HIF3A: variants seen among roughly 807,000 people sequenced by gnomAD.
The protein encoded by HIF3A is hypoxia inducible factor 3 subunit alpha.
Under a neutral mutation model 67.2 loss-of-function variants are expected in HIF3A, and 41 were observed. That is an observed-to-expected ratio of 0.61 (90% CI 0.48 to 0.79). The LOEUF (loss-of-function observed/expected upper bound fraction) is 0.79. Ranked by LOEUF, HIF3A falls within the 30% of genes least tolerant of loss-of-function variation. The probability of loss-of-function intolerance (pLI) is 0.00; values close to 1 mark genes in which losing one functional copy is unlikely to be tolerated. For synonymous variants in HIF3A, 356 were observed against 374.8 expected, an observed-to-expected ratio of 0.95 and a Z score of 0.58; for missense variants, 855 against 898.0, an observed-to-expected ratio of 0.95 and a Z score of 0.61.
rs529224612 is a variant in HIF3A, at chr19:46,340,994, C to A, written c.*1372C>A. On this transcript the variant is annotated 3_prime_UTR_variant, in exon 15 of 15. Coordinates refer to ENST00000377670, the MANE Select transcript of HIF3A (RefSeq NM_152795.4). ...CAGATTCTTTTGGTTCTAGAATTCA[C>A]TAACTTCCTCTGGTTCTAGACCTCT... 1 of 152,250 alleles carries A rather than the reference C, an allele frequency of 6.6e-6. No individual in the cohort carries two copies. The highest frequency in any genetic ancestry group is 2.1e-4 in the South Asian group (1 of 4,814). 9.4% of individuals were successfully genotyped at this position (152,250 alleles called of 1,614,324 possible). A position where few individuals can be genotyped will look rare whatever the true frequency, so the allele number is the denominator to read the frequency against.
Position 46,297,722 on chromosome 19 carries a change from C to T in HIF3A, c.26+620C>T, listed in dbSNP as rs117611751. On this transcript the variant is annotated intron_variant, in intron 1 of 14. Coordinates refer to ENST00000377670, the MANE Select transcript of HIF3A (RefSeq NM_152795.4). This position sits in a 1 kb window ranked among gnomAD's most constrained non-coding sequence, Gnocchi z 4.5. ...CCCCTTTCAGAAGCCGTCTGGGACC[C>T]TTCCCAAGAGACTTTTTGTATCCTT... Among the ~76,000 whole-genome samples the T allele has an allele frequency of 9.4e-3, 1,427 of 152,134 alleles. 14 individuals carry two copies. Among genetic ancestry groups the T allele is most frequent in the Non-Finnish European group, 0.015 (1,048 of 67,974 alleles).
At chr19:46,337,915 GC>G (rs2147330895) in intron 14 of HIF3A, among the ~76,000 whole-genome samples, 1 of 152,320 alleles carries the variant, frequency 6.6e-6, no homozygotes, top group Non-Finnish European at 1.5e-5. Flanking sequence ...AAGGGCAGGG[GC>G]CAGGGCTGTC....
In HIF3A at chr19:46,342,120, AACTG is replaced by A. The variant is rs1971955681; in HGVS notation, c.*2502_*2505del. ...TGATCTGCTGTTTCTCTGGTTCTAGAACTGACTTACAAGTGCCTTCTGATTCTAG... is the reference window on the plus strand; with the variant it reads ...TGATCTGCTGTTTCTCTGGTTCTAGAACTTACAAGTGCCTTCTGATTCTAG... On this transcript the variant is annotated 3_prime_UTR_variant, in exon 15 of 15. Coordinates refer to ENST00000377670, the MANE Select transcript of HIF3A (RefSeq NM_152795.4). The A allele has an allele frequency of 6.6e-6, 1 of 152,244 alleles. No individual in the cohort carries two copies. The highest frequency in any genetic ancestry group is 2.4e-5 in the African/African-American group (1 of 41,544). The allele number at this position is 152,244 out of a possible 1,614,324, so 9.4% of individuals were successfully genotyped here.
At chr19:46,319,303 T>G (rs1477432063) in intron 8 of HIF3A, among the ~76,000 whole-genome samples, 2 of 152,122 alleles carry the variant, frequency 1.3e-5, no homozygotes, top group Admixed American at 1.3e-4. Context: ...GAGGGTTTAT[T>G]GAGTGTGGGG....
At chr19:46,300,608 C>T (rs527689502) in intron 1 of HIF3A, among the ~76,000 whole-genome samples, 2 of 152,294 alleles carry the variant, frequency 1.3e-5, no homozygotes, top group Admixed American at 6.5e-5. Context: ...TGACAGTGAG[C>T]CAAGATCAAG....
In HIF3A at chr19:46,308,740, G is replaced by C; in HGVS notation, c.526G>C (p.Gly176Arg). 1 of 1,609,984 alleles carries C rather than the reference G, an allele frequency of 6.2e-7. No individual in the cohort carries two copies. Among genetic ancestry groups the C allele is most frequent in the Non-Finnish European group, 8.5e-7 (1 of 1,178,280 alleles). Reference sequence around the variant, plus strand: ...CATGAAGAGTACACTCACCAGCCGCGGGCGCACCCTCAACCTCAAGGCGGC... The same window carrying C: ...CATGAAGAGTACACTCACCAGCCGCCGGCGCACCCTCAACCTCAAGGCGGC... ...LRMKSTLTSR[G>R]RTLNLKAATW... The change falls in exon 5 of 15, where the codon GGG becomes CGG. Residue 176 changes from glycine (G) to arginine (R), a missense_variant. By Grantham distance (125) the Gly-to-Arg change is moderately radical. This residue lies in a region of HIF3A where 638 missense variants were observed against 660.5 expected (regional missense o/e 0.97). Transcript: ENST00000377670.
intron 1 of HIF3A, among the ~76,000 whole-genome samples, chr19:46,301,721 G>T (rs1968349946): frequency 6.6e-6 from 1 of 151,732 alleles, no homozygotes; most frequent in South Asian, 2.1e-4. Context: ...AGCTACTCGG[G>T]AGGCTGAGGC....
chr19:46,326,872 G>T (rs1002182588), intron 11 of HIF3A, among the ~76,000 whole-genome samples: 4 of 152,268 alleles, frequency 2.6e-5, no homozygotes, highest in Admixed American at 6.5e-5. Context: ...AAAAACTGGG[G>T]GCCAGGCGTG....
At chr19:46,321,611 C>T (rs1434600061) in intron 9 of HIF3A, among the ~76,000 whole-genome samples, 165 bp from the exon 10 acceptor site, 1 of 151,994 alleles carries the variant, frequency 6.6e-6, no homozygotes, top group Admixed American at 6.6e-5. Context: ...TCACACCTGG[C>T]CCAGCAGGGG....
rs990053493 is a variant in HIF3A, at chr19:46,342,687, A to C, written c.*3065A>C. 2.6e-5 allele frequency: 4 copies of C among 152,102 alleles called. No homozygotes were observed. Among genetic ancestry groups the C allele is most frequent in the Non-Finnish European group, 5.9e-5 (4 of 68,024 alleles). 9.4% of individuals were successfully genotyped at this position (152,102 alleles called of 1,614,324 possible). On this transcript the variant is annotated 3_prime_UTR_variant, in exon 15 of 15. Coordinates refer to ENST00000377670, the MANE Select transcript of HIF3A (RefSeq NM_152795.4). ...ATTCTGGAATCTAGACTTTTCCCTA[A>C]AGATTCCTCTGGTTCTGAATCTTAT...
At position 46,297,118 on chromosome 19, in the gene HIF3A, G is replaced by A. The variant is rs1317128305; in HGVS notation, c.26+16G>A. ...AGCGCGCAAGGTACTGAAGTTCGGG[G>A]GCAGGAGTTCTGGGAATTGGGGGGC... is the stretch of plus-strand genomic sequence containing the variant. On this transcript the variant is annotated intron_variant, in intron 1 of 14. Coordinates refer to ENST00000377670, the MANE Select transcript of HIF3A (RefSeq NM_152795.4). The surrounding 1 kb of genome is among the most constrained non-coding windows in gnomAD (Gnocchi z 4.5). 6.2e-6 allele frequency: 8 copies of A among 1,288,902 alleles called. No individual in the cohort carries two copies. The highest frequency in any genetic ancestry group is 3.2e-5 in the South Asian group (1 of 30,990). 79.8% of individuals were successfully genotyped at this position (1,288,902 alleles called of 1,614,324 possible).
chr19:46,301,887 AG>A, intron 1 of HIF3A, among the ~76,000 whole-genome samples: 1 of 151,782 alleles, frequency 6.6e-6, no homozygotes, highest in Middle Eastern at 3.4e-3. Context: ...GCTCCCTCCT[AG>A]GGGTCCCCTG....
Position 46,339,526 on chromosome 19 carries a change from C to T in HIF3A, c.1914C>T (p.Gly638=). The T allele has an allele frequency of 6.3e-7, 1 of 1,580,358 alleles. No individual in the cohort carries two copies. The highest frequency in any genetic ancestry group is 8.6e-7 in the Non-Finnish European group (1 of 1,161,068). ...ATCATTTATCTTTCATCTTTGCAGG[C>T]CTGGGCCCCTCACTGCTCTCTCCGT... ...TPLLNLNEPL[G]LGPSLLSPYS... is the part of the protein sequence containing the mutation. Residue 638 remains glycine (G), a splice_region_variant and synonymous_variant, in exon 15 of 15, where the codon GGC becomes GGT. Transcript: ENST00000377670.
chr19:46,325,949 A>G (rs1970751624), intron 11 of HIF3A, among the ~76,000 whole-genome samples: 1 of 152,262 alleles, frequency 6.6e-6, no homozygotes, highest in Non-Finnish European at 1.5e-5. Context: ...AGCATGATGT[A>G]TTAGTTATCT....
At chr19:46,326,046 T>C (rs543899352) in intron 11 of HIF3A, among the ~76,000 whole-genome samples, 51 of 152,208 alleles carry the variant, frequency 3.4e-4, no homozygotes, top group Non-Finnish European at 6.3e-4. Context: ...TATCAGAAAT[T>C]CAGGAGCACC....
rs543894430 is a variant in HIF3A, at chr19:46,325,611, C to T, written c.1412C>T (p.Ala471Val). The T allele has an allele frequency of 8.9e-5, 144 of 1,612,772 alleles. No homozygotes were observed. The South Asian group carries it at 1.5e-3, about 17-fold the overall frequency. The change falls in exon 11 of 15, where the codon GCA becomes GTA. Residue 471 changes from alanine (A) to valine (V), a missense_variant. This residue lies in a region of HIF3A where 638 missense variants were observed against 660.5 expected (regional missense o/e 0.97). Transcript: ENST00000377670. ...TTCACCTCCGGGAAAGACACTGAGGCAGTGGAGACAGATTTAGATATAGCT... is the reference window on the plus strand; with the variant it reads ...TTCACCTCCGGGAAAGACACTGAGGTAGTGGAGACAGATTTAGATATAGCT... ...RLFTSGKDTE[A>V]VETDLDIAQD...
intron 10 of HIF3A, among the ~76,000 whole-genome samples, chr19:46,324,757 G>T (rs1970628493): frequency 6.6e-6 from 1 of 151,590 alleles, no homozygotes; most frequent in South Asian, 2.1e-4. Flanking sequence ...GGGAGGCTGA[G>T]GCAGGAGAAT....
intron 9 of HIF3A, among the ~76,000 whole-genome samples, 198 bp downstream of exon 9, chr19:46,320,759 T>C (rs3764611): frequency 0.18 from 27,177 of 152,180 alleles, 2,924 homozygotes; most frequent in East Asian, 0.41. Context: ...CCTTTGCACA[T>C]GCAGTTTCCT....
intron 3 of HIF3A, chr19:46,306,633 C>T (rs1038009601): frequency 6.6e-6 from 1 of 152,142 alleles, no homozygotes; most frequent in African/African-American, 2.4e-5. Context: ...AGAAAGTTCC[C>T]ATTCTTTTTT....
Sources: allele counts gnomAD v4.1 joint callset (sites outside exome capture counted in the v4.1 genomes callset), GRCh38; gene constraint gnomAD v4.1.1; regional missense constraint gnomAD v4.1.1; non-coding constraint Gnocchi (gnomAD v3.1); transcripts MANE v1.5; gene names NCBI Gene and HGNC (gene_info 2026-07-23, HGNC 2026-07-21).